The following GSK3B variants were observed in gnomAD, a reference collection of about 807,000 sequenced individuals.
GSK3B encodes glycogen synthase kinase 3 beta, also known as glycogen synthase kinase-3 beta.
Under a neutral mutation model 56.4 loss-of-function variants are expected in GSK3B, and 15 were observed. The ratio of observed to expected loss-of-function variants is 0.27; its 90% CI spans 0.18 to 0.41. The LOEUF (loss-of-function observed/expected upper bound fraction) is 0.41. Among genes scored for constraint, GSK3B ranks in the 10% least tolerant of loss-of-function variants. The pLI, the probability that GSK3B is intolerant of heterozygous loss-of-function variation, is 1.00. For synonymous variants in GSK3B, 181 were observed against 188.9 expected, an observed-to-expected ratio of 0.96 and a Z score of 0.34; for missense variants, 300 against 513.4, an observed-to-expected ratio of 0.58 and a Z score of 4.02.
intron 6 of GSK3B, among the ~76,000 whole-genome samples, chr3:119,906,729 T>A (rs1324826940): frequency 1.3e-5 from 2 of 152,100 alleles, no homozygotes; most frequent in Non-Finnish European, 2.9e-5. Context: ...AGGTTTTTAA[T>A]GTACCAACAC....
intron 7 of GSK3B, among the ~76,000 whole-genome samples, chr3:119,889,671 C>A (rs901523614): frequency 6.6e-6 from 1 of 152,040 alleles, no homozygotes; most frequent in Non-Finnish European, 1.5e-5. Context: ...AAAACAAATA[C>A]GAAGGTGCAA....
chr3:120,001,745 G>A (rs2057679102), intron 2 of GSK3B, among the ~76,000 whole-genome samples: 1 of 152,136 alleles, frequency 6.6e-6, no homozygotes, highest in South Asian at 2.1e-4. Context: ...CAGTACAACG[G>A]TGAGGACAGG....
chr3:120,021,349 C>CAA lies in GSK3B; in HGVS notation c.89-19112_89-19111dup, dbSNP rs372298849. 7.3e-5 allele frequency among the ~76,000 whole-genome samples: 7 copies of CAA among 96,370 alleles called. No individual in the cohort carries two copies. The East Asian group carries it at 1.1e-3, about 15-fold the overall frequency. The allele number at this position is 96,370 out of a possible 152,430, so 63.2% of individuals were successfully genotyped here. A position where few individuals can be genotyped will look rare whatever the true frequency, so the allele number is the denominator to read the frequency against. On this transcript the variant is annotated intron_variant, in intron 1 of 10. Coordinates refer to ENST00000264235, the MANE Select transcript of GSK3B (RefSeq NM_001146156.2). ...TGAAACCCCGTCTCTACTAAAAATACAAAAAAAAAAAAAAAAATTAGCCGG... is the reference window on the plus strand; with the variant it reads ...TGAAACCCCGTCTCTACTAAAAATACAAAAAAAAAAAAAAAAAAATTAGCCGG...
intron 2 of GSK3B, among the ~76,000 whole-genome samples, chr3:119,988,087 G>C (rs1351645101): frequency 1.3e-5 from 2 of 152,076 alleles, no homozygotes. Context: ...GCTCTAACAG[G>C]TGCTCTTAAA....
At position 119,959,052 on chromosome 3, in the gene GSK3B, C is replaced by G. The variant is rs556392396; in HGVS notation, c.283-11701G>C. On this transcript the variant is annotated intron_variant, in intron 2 of 10. Transcript: ENST00000264235. ...CACAAAAATGATTGGTTGACTCCCT[C>G]TCTCCTTGAAATGTTTTCTCCAATT... 3.3e-5 allele frequency among the ~76,000 whole-genome samples: 5 copies of G among 152,322 alleles called. No homozygotes were observed. The East Asian group carries it at 9.6e-4, about 29-fold the overall frequency.
rs764411545 is a variant in GSK3B at position 119,843,248 on chromosome 3, T to C, written c.1195+7A>G. 1.9e-6 allele frequency: 3 copies of C among 1,580,794 alleles called. No individual in the cohort carries two copies. Among genetic ancestry groups the C allele is most frequent in the Non-Finnish European group, 2.6e-6 (3 of 1,152,492 alleles). On this transcript the variant is annotated splice_region_variant and intron_variant, in intron 10 of 10. Coordinates refer to ENST00000264235, the MANE Select transcript of GSK3B (RefSeq NM_001146156.2). The stretch of plus-strand genomic sequence containing the variant: ...GTTTTTATAGAAGAGACTTAGAACG[T>C]TCTTACCTGACGCTGCTGTGGCATT...
chr3:119,967,555 G>GTT (rs2057328918), intron 2 of GSK3B, among the ~76,000 whole-genome samples: 1 of 152,112 alleles, frequency 6.6e-6, no homozygotes, highest in Non-Finnish European at 1.5e-5. Flanking sequence ...AAGGACATAT[G>GTT]TTATCAATCA....
chr3:119,985,314 A>C (rs184517363), intron 2 of GSK3B, among the ~76,000 whole-genome samples: 13 of 152,334 alleles, frequency 8.5e-5, no homozygotes, highest in Middle Eastern at 3.4e-3. Flanking sequence ...CCTATTCAAC[A>C]TAGTGTTGGA....
chr3:120,034,771 G>T (rs1474394846), intron 1 of GSK3B, among the ~76,000 whole-genome samples: 2 of 152,114 alleles, frequency 1.3e-5, no homozygotes, highest in Non-Finnish European at 2.9e-5. Flanking sequence ...ACCTTATTTA[G>T]AAACAGGGTC....
chr3:119,898,904 A>G (rs1245195795), intron 7 of GSK3B, among the ~76,000 whole-genome samples: 1 of 152,188 alleles, frequency 6.6e-6, no homozygotes, highest in African/African-American at 2.4e-5. Context: ...CTCTCTCAAA[A>G]TATTTTCTTG....
rs539693525 is a variant in GSK3B at position 120,046,610 on chromosome 3, T to G, written c.89-44371A>C. Among the ~76,000 whole-genome samples, 4 of 152,182 alleles carry G rather than the reference T, an allele frequency of 2.6e-5. No homozygotes were observed. In the South Asian group the frequency reaches 6.2e-4, roughly 24 times the overall value. ...TTATTAAAATTTTAATTTAATTTTA[T>G]TTATTTATTTATTTTGAGACAGCGT... On this transcript the variant is annotated intron_variant, in intron 1 of 10. Coordinates refer to ENST00000264235, the MANE Select transcript of GSK3B (RefSeq NM_001146156.2).
chr3:119,893,829 T>C (rs1394395643), intron 7 of GSK3B, among the ~76,000 whole-genome samples: 1 of 150,812 alleles, frequency 6.6e-6, no homozygotes, highest in Non-Finnish European at 1.5e-5. Context: ...GCAGTGGAAA[T>C]GACAAAGACA....
chr3:120,093,513 AC>A lies in GSK3B; in HGVS notation c.-80del. ...GTCTTTATGTTGGGGTGTTAGGTTA[AC>A]GATAAATGCAGCATTAAGTTCTCCC... On this transcript the variant is annotated 5_prime_UTR_variant, in exon 1 of 11. It introduces an in-frame stop codon into an upstream open reading frame of the 5' UTR. Coordinates refer to ENST00000264235, the MANE Select transcript of GSK3B (RefSeq NM_001146156.2). The A allele has an allele frequency of 1.1e-6, 1 of 898,880 alleles. No individual in the cohort carries two copies. The highest frequency in any genetic ancestry group is 1.9e-6 in the Non-Finnish European group (1 of 539,966). The allele number at this position is 898,880 out of a possible 1,614,324, so 55.7% of individuals were successfully genotyped here.
intron 10 of GSK3B, among the ~76,000 whole-genome samples, chr3:119,839,796 T>C (rs1235764079): frequency 6.6e-6 from 1 of 152,228 alleles, no homozygotes; most frequent in Non-Finnish European, 1.5e-5. Flanking sequence ...TTTGATGTTA[T>C]GTGCTCCATT....
intron 7 of GSK3B, among the ~76,000 whole-genome samples, chr3:119,894,757 ACTT>A (rs1188941973): frequency 6.6e-6 from 1 of 152,120 alleles, no homozygotes; most frequent in Non-Finnish European, 1.5e-5. Flanking sequence ...AGTCCAATTT[ACTT>A]CTATTTTCTT....
chr3:119,985,089 C>A (rs917543390), intron 2 of GSK3B, among the ~76,000 whole-genome samples: 4 of 152,104 alleles, frequency 2.6e-5, no homozygotes, highest in African/African-American at 9.7e-5. Context: ...AAGACAAAAA[C>A]CACATGATTA....
At chr3:119,921,877 C>T (rs2056843044) in intron 4 of GSK3B, among the ~76,000 whole-genome samples, 1 of 152,114 alleles carries the variant, frequency 6.6e-6, no homozygotes, top group South Asian at 2.1e-4. Flanking sequence ...GTGGCTTGCG[C>T]CTGTAATCTC....
intron 7 of GSK3B, among the ~76,000 whole-genome samples, chr3:119,884,848 A>C (rs897826147): frequency 6.6e-6 from 1 of 152,098 alleles, no homozygotes; most frequent in Admixed American, 6.6e-5. Flanking sequence ...TACCCCTATC[A>C]TGGTAATTCA....
rs183508167 is a variant in GSK3B at position 119,837,283 on chromosome 3, T to C, written c.1195+5972A>G. On this transcript the variant is annotated intron_variant, in intron 10 of 10. Transcript: ENST00000264235. ...CATTCTCCTGCCTCAGCCTCCCGAATAGCTGGGACTATAGGCACCCGCTAC... is the reference window on the plus strand; with the variant it reads ...CATTCTCCTGCCTCAGCCTCCCGAACAGCTGGGACTATAGGCACCCGCTAC... 1.9e-4 allele frequency among the ~76,000 whole-genome samples: 29 copies of C among 151,994 alleles called. No individual in the cohort carries two copies. In the South Asian group the frequency reaches 3.5e-3, roughly 19 times the overall value.
Sources: allele counts gnomAD v4.1 joint callset (sites outside exome capture counted in the v4.1 genomes callset), GRCh38; gene constraint gnomAD v4.1.1; transcripts MANE v1.5; gene names NCBI Gene and HGNC (gene_info 2026-07-23, HGNC 2026-07-21).